The following ZCCHC17 variants were observed in gnomAD, a reference collection of about 807,000 sequenced individuals.
The protein encoded by ZCCHC17 is zinc finger CCHC domain-containing protein 17.
ZCCHC17 carries 18 observed loss-of-function variants against 30.6 expected under a neutral mutation model. The observed-to-expected ratio is 0.59, with a 90% CI of 0.41 to 0.87. The LOEUF is 0.87. Ranked by LOEUF, ZCCHC17 falls within the 40% of genes least tolerant of loss-of-function variation. The pLI is 0.00. For synonymous variants in ZCCHC17, 88 were observed against 92.4 expected (o/e 0.95, Z 0.27); for missense variants, 263 against 284.2 (o/e 0.93, Z 0.54).
At chr1:31,351,707 G>A (rs947355157) in intron 7 of ZCCHC17, among the ~76,000 whole-genome samples, 8 of 152,040 alleles carry the variant, frequency 5.3e-5, no homozygotes, top group South Asian at 2.1e-4. Context: ...ATGCCACTGC[G>A]CTCCTGTCCG....
rs1352869847 is a variant in ZCCHC17 at position 31,348,715 on chromosome 1, T to TGA, written c.419-114_419-113insGA. The TGA allele has an allele frequency of 1.3e-5, 17 of 1,290,460 alleles. No individual in the cohort carries two copies. The South Asian group carries it at 2.0e-4, about 15-fold the overall frequency. 79.9% of individuals were successfully genotyped at this position (1,290,460 alleles called of 1,614,324 possible). Reference sequence around the variant, plus strand: ...AATCAAACAGCTGCTTTGAATGAACTCAACAATATTTCCTGAGCCAGCTAG... The same window carrying TGA: ...AATCAAACAGCTGCTTTGAATGAACTGACAACAATATTTCCTGAGCCAGCTAG... On this transcript the variant is annotated intron_variant, in intron 6 of 7. Transcript: ENST00000344147.
At chr1:31,305,181 C>T (rs561161130) in intron 1 of ZCCHC17, among the ~76,000 whole-genome samples, 9 of 152,286 alleles carry the variant, frequency 5.9e-5, no homozygotes, top group Admixed American at 5.9e-4. Context: ...CTCCCTCAGC[C>T]TTTGGTATGG....
chr1:31,357,139 A>G (rs539901535), intron 7 of ZCCHC17, among the ~76,000 whole-genome samples: 5 of 152,234 alleles, frequency 3.3e-5, no homozygotes, highest in African/African-American at 1.2e-4. Context: ...TTACCATATG[A>G]TTTTCTGCTG....
intron 2 of ZCCHC17, among the ~76,000 whole-genome samples, chr1:31,312,854 C>T (rs1323083317): frequency 6.6e-6 from 1 of 151,838 alleles, no homozygotes; most frequent in African/African-American, 2.4e-5. Context: ...CTCACTGCAA[C>T]CTCCACCTCC....
rs1312706636 is a variant in ZCCHC17 at position 31,325,884 on chromosome 1, G to C, written c.124+6718G>C. ...GTGACACCATCTTTACAAAAAGTTA[G>C]CTGGGTGTGGTGGCAGAAGGATCAC... On this transcript the variant is annotated intron_variant, in intron 3 of 7. Transcript: ENST00000344147. 2.0e-5 allele frequency among the ~76,000 whole-genome samples: 3 copies of C among 152,092 alleles called. 1 individual carries two copies. Among genetic ancestry groups the C allele is most frequent in the African/African-American group, 7.2e-5 (3 of 41,428 alleles).
chr1:31,356,184 A>G (rs554225655), intron 7 of ZCCHC17, among the ~76,000 whole-genome samples: 5 of 152,362 alleles, frequency 3.3e-5, no homozygotes, highest in Admixed American at 6.5e-5. Context: ...GCGGCTAATC[A>G]TATAAGGAGA....
At chr1:31,298,860 C>T (rs1453234114) in intron 1 of ZCCHC17, among the ~76,000 whole-genome samples, 1 of 152,146 alleles carries the variant, frequency 6.6e-6, no homozygotes, top group African/African-American at 2.4e-5. Context: ...TCAGCTAAGT[C>T]AGAACCTTGA....
intron 3 of ZCCHC17, among the ~76,000 whole-genome samples, chr1:31,320,870 A>G (rs565891257): frequency 5.9e-5 from 9 of 152,150 alleles, no homozygotes; most frequent in Non-Finnish European, 1.3e-4. Context: ...CTGTTTTTCC[A>G]AAGTGACCAC....
At chr1:31,325,323 A>G (rs1638293760) in intron 3 of ZCCHC17, among the ~76,000 whole-genome samples, 1 of 152,188 alleles carries the variant, frequency 6.6e-6, no homozygotes, top group Admixed American at 6.5e-5. Context: ...GCAAGACAAG[A>G]ACTTGGGACC....
chr1:31,362,594 T>G (rs1480063443), intron 7 of ZCCHC17, among the ~76,000 whole-genome samples: 1 of 152,206 alleles, frequency 6.6e-6, no homozygotes, highest in Non-Finnish European at 1.5e-5. Context: ...AGTATAATCT[T>G]GTGAGGTGGC....
At chr1:31,320,280 T>C (rs1229276701) in intron 3 of ZCCHC17, among the ~76,000 whole-genome samples, 2 of 152,242 alleles carry the variant, frequency 1.3e-5, no homozygotes, top group South Asian at 2.1e-4. Context: ...TTATACACTT[T>C]ATGATTCCAT....
intron 1 of ZCCHC17, among the ~76,000 whole-genome samples, chr1:31,306,161 T>A (rs1005146190): frequency 6.6e-6 from 1 of 152,222 alleles, no homozygotes; most frequent in Non-Finnish European, 1.5e-5. Context: ...GATTCATTCT[T>A]ACTATAGATC....
At chr1:31,338,000 C>G (rs919349183) in intron 4 of ZCCHC17, among the ~76,000 whole-genome samples, 4 of 152,050 alleles carry the variant, frequency 2.6e-5, no homozygotes, top group African/African-American at 9.7e-5. Context: ...GACAGGGTCT[C>G]TCTTTGTCAC....
At chr1:31,341,138 C>T (rs1639033039) in intron 5 of ZCCHC17, among the ~76,000 whole-genome samples, 1 of 152,174 alleles carries the variant, frequency 6.6e-6, no homozygotes, top group Non-Finnish European at 1.5e-5. Flanking sequence ...CCACAAAATG[C>T]TTCTCACTCT....
chr1:31,320,976 A>G (rs1313845207), intron 3 of ZCCHC17, among the ~76,000 whole-genome samples: 1 of 152,180 alleles, frequency 6.6e-6, no homozygotes, highest in Non-Finnish European at 1.5e-5. Context: ...GGCCATCCTA[A>G]TGGATGTGCA....
intron 7 of ZCCHC17, among the ~76,000 whole-genome samples, chr1:31,354,254 AAC>A (rs1288327513): frequency 1.3e-5 from 2 of 152,194 alleles, no homozygotes; most frequent in Non-Finnish European, 2.9e-5. Flanking sequence ...ACTGTATAGA[AAC>A]ACAACTGATT....
intron 7 of ZCCHC17, among the ~76,000 whole-genome samples, chr1:31,352,363 A>G (rs1267943684): frequency 6.6e-6 from 1 of 152,070 alleles, no homozygotes; most frequent in African/African-American, 2.4e-5. Flanking sequence ...TCTGTCTTGA[A>G]ACCATGTGGT....
At chr1:31,307,419 T>G (rs1646489728) in intron 1 of ZCCHC17, among the ~76,000 whole-genome samples, 1 of 151,986 alleles carries the variant, frequency 6.6e-6, no homozygotes, top group Non-Finnish European at 1.5e-5. Context: ...AGACTTTTTT[T>G]TTTTTTTTGA....
intron 3 of ZCCHC17, among the ~76,000 whole-genome samples, chr1:31,330,000 G>A (rs1490963608): frequency 1.3e-5 from 2 of 152,148 alleles, no homozygotes; most frequent in Non-Finnish European, 2.9e-5. Context: ...ACACTTTCAC[G>A]AATGTGCTTA....
Sources: gnomAD v4.1 joint callset for allele counts (sites outside exome capture counted in the v4.1 genomes callset) on GRCh38, gnomAD v4.1.1 for gene constraint, MANE v1.5 for transcripts, NCBI Gene and HGNC (gene_info 2026-07-23, HGNC 2026-07-21) for gene names.